Variants in CALN1 observed in about 807,000 individuals in gnomAD.
CALN1 encodes the protein calneuron 1.
Under a neutral mutation model 30.6 loss-of-function variants are expected in CALN1, and 17 were observed. That is an observed-to-expected ratio of 0.56 (90% CI 0.38 to 0.83). The LOEUF (loss-of-function observed/expected upper bound fraction) is 0.83. Among genes scored for constraint, CALN1 ranks in the 40% least tolerant of loss-of-function variants. CALN1 has a pLI of 0.00. For synonymous variants in CALN1, 156 were observed against 131.4 expected, an observed-to-expected ratio of 1.19 and a Z score of -1.28; for missense variants, 291 against 354.9, an observed-to-expected ratio of 0.82 and a Z score of 1.45.
At chr7:72,104,472 G>A (rs1440911818) in intron 4 of CALN1, among the ~76,000 whole-genome samples, 1 of 152,124 alleles carries the variant, frequency 6.6e-6, no homozygotes, top group Admixed American at 6.5e-5. Flanking sequence ...ATGTGCCATG[G>A]TGGTTTGCTG....
At chr7:72,406,558 A>G (rs1030923597) in intron 1 of CALN1, among the ~76,000 whole-genome samples, 1 of 151,848 alleles carries the variant, frequency 6.6e-6, no homozygotes, top group Admixed American at 6.5e-5. Context: ...TTTGAGCCCC[A>G]GTCTTGAAGT....
the CALN1 span, among the ~76,000 whole-genome samples, chr7:72,487,921 G>GAAA: frequency 2.0e-4 from 12 of 59,582 alleles, no homozygotes; most frequent in Admixed American, 6.5e-4. Context: ...AAAGAAAGAA[G>GAAA]GAAGGAAGGA....
chr7:72,033,731 A>C (rs1016944127), intron 4 of CALN1, among the ~76,000 whole-genome samples: 9 of 152,202 alleles, frequency 5.9e-5, no homozygotes, highest in African/African-American at 2.2e-4. Flanking sequence ...CCAGAAGGTC[A>C]AGGCAGGCTG....
chr7:71,987,102 G>T (rs117891853), intron 5 of CALN1, among the ~76,000 whole-genome samples: 1 of 151,766 alleles, frequency 6.6e-6, no homozygotes, highest in Admixed American at 6.6e-5. Context: ...CTCCAGCCTC[G>T]GTGACAGAGC....
chr7:71,902,225 A>AAACCAACCAACCAACC (rs374649403), intron 5 of CALN1, among the ~76,000 whole-genome samples: 3 of 144,882 alleles, frequency 2.1e-5, no homozygotes, highest in East Asian at 2.1e-4. Context: ...CTCCGTCTCA[A>AAACCAACCAACCAACC]AACCAACCAA....
At chr7:72,158,271 T>C (rs1043970082) in intron 3 of CALN1, among the ~76,000 whole-genome samples, 1 of 152,196 alleles carries the variant, frequency 6.6e-6, no homozygotes, top group African/African-American at 2.4e-5. Flanking sequence ...TTAAACACTT[T>C]GGAAACATCC....
chr7:71,861,466 T>C (rs1268149134), intron 5 of CALN1, among the ~76,000 whole-genome samples: 1 of 151,966 alleles, frequency 6.6e-6, no homozygotes, highest in Non-Finnish European at 1.5e-5. Context: ...TCATAGGTTA[T>C]CAAATCTGTG....
At chr7:72,023,442 T>C (rs1209448652) in intron 5 of CALN1, among the ~76,000 whole-genome samples, 1 of 151,676 alleles carries the variant, frequency 6.6e-6, no homozygotes, top group Non-Finnish European at 1.5e-5. Flanking sequence ...TTTTCCCTAA[T>C]GCAAAAAAAA....
At chr7:72,394,723 G>T (rs114186861) in intron 2 of CALN1, among the ~76,000 whole-genome samples, 1 of 149,538 alleles carries the variant, frequency 6.7e-6, no homozygotes, top group African/African-American at 2.5e-5. Flanking sequence ...GTGCAGTGGC[G>T]CAATCGTAGC....
At chr7:72,196,863 C>A (rs1398860569) in intron 3 of CALN1, among the ~76,000 whole-genome samples, 1 of 152,116 alleles carries the variant, frequency 6.6e-6, no homozygotes, top group African/African-American at 2.4e-5. Flanking sequence ...TATCATGAAA[C>A]CAGCACTTGA....
At chr7:72,257,418 C>T (rs1448974112) in intron 3 of CALN1, among the ~76,000 whole-genome samples, 2 of 151,770 alleles carry the variant, frequency 1.3e-5, no homozygotes, top group Non-Finnish European at 2.9e-5. Context: ...GAGATGCCAC[C>T]TTACTCTTGT....
Position 72,306,786 on chromosome 7 carries a change from T to G in CALN1, c.120-27976A>C, listed in dbSNP as rs151171251. Among the ~76,000 whole-genome samples, 173 of 152,304 alleles carry G rather than the reference T, an allele frequency of 1.1e-3. 1 individual carries two copies. Among genetic ancestry groups the G allele is most frequent in the African/African-American group, 3.9e-3 (164 of 41,560 alleles). On this transcript the variant is annotated intron_variant, in intron 2 of 6. Transcript: ENST00000395275. ...ATGTCTCATCCCTCCCTAATATGTATAAAACTAAGCTGTGCCCTGACCACC... is the reference window on the plus strand; with the variant it reads ...ATGTCTCATCCCTCCCTAATATGTAGAAAACTAAGCTGTGCCCTGACCACC...
intron 4 of CALN1, among the ~76,000 whole-genome samples, chr7:72,074,717 C>T (rs889016480): frequency 1.2e-4 from 19 of 152,098 alleles, no homozygotes; most frequent in Non-Finnish European, 2.8e-4. Context: ...CCCAAATCTA[C>T]CCCTTTTACA....
intron 5 of CALN1, among the ~76,000 whole-genome samples, chr7:72,012,881 C>T (rs367857427): frequency 2.0e-5 from 3 of 151,772 alleles, no homozygotes; most frequent in Admixed American, 6.5e-5. Context: ...CTGTAACCTC[C>T]GCCTCCGGGG....
intron 3 of CALN1, 116 bp downstream of exon 3, chr7:72,278,570 T>C (rs1032813020): frequency 1.8e-5 from 25 of 1,412,156 alleles, no homozygotes; most frequent in East Asian, 2.4e-5. Context: ...ATGGCTACAC[T>C]TGGCCACAAC....
chr7:71,801,969 CTG>C (rs1220472598), intron 6 of CALN1, among the ~76,000 whole-genome samples: 1 of 151,206 alleles, frequency 6.6e-6, no homozygotes, highest in African/African-American at 2.4e-5. Context: ...CAGAGCAAGA[CTG>C]TGTCCAAAAA....
chr7:72,455,673 G>A, the CALN1 span, among the ~76,000 whole-genome samples: 1 of 152,112 alleles, frequency 6.6e-6, no homozygotes, highest in Admixed American at 6.6e-5. Context: ...GGGTGTTGGT[G>A]ACATTGGAAC....
chr7:72,240,169 TCTCGAAA>T (rs1309454939), intron 3 of CALN1, among the ~76,000 whole-genome samples: 1 of 151,574 alleles, frequency 6.6e-6, no homozygotes, highest in Non-Finnish European at 1.5e-5. Context: ...GTCCTATAGT[TCTCGAAA>T]CACTTGGGGA....
intron 1 of CALN1, among the ~76,000 whole-genome samples, chr7:72,431,561 A>G (rs1208428329): frequency 6.6e-6 from 1 of 152,224 alleles, no homozygotes; most frequent in Non-Finnish European, 1.5e-5. Flanking sequence ...AGATTAAGTC[A>G]GGTGCAGTGG....
Sources: gnomAD v4.1 joint callset for allele counts (sites outside exome capture counted in the v4.1 genomes callset) on GRCh38, gnomAD v4.1.1 for gene constraint, MANE v1.5 for transcripts, NCBI Gene and HGNC (gene_info 2026-07-23, HGNC 2026-07-21) for gene names.